PLCL2: variants seen among roughly 807,000 people sequenced by gnomAD.
PLCL2 encodes the protein inactive phospholipase C-like protein 2.
PLCL2 carries 4 observed loss-of-function variants against 79.6 expected under a neutral mutation model. The ratio of observed to expected loss-of-function variants is 0.05; its 90% CI spans 0.02 to 0.11. The LOEUF (loss-of-function observed/expected upper bound fraction) is 0.11. Among genes scored for constraint, PLCL2 ranks in the 10% least tolerant of loss-of-function variants. The pLI is 1.00. For missense variants in PLCL2, 895 were observed against 1,291.0 expected (o/e 0.69, Z 4.70); for synonymous variants, 484 against 457.7 (o/e 1.06, Z -0.73).
chr3:16,974,801 A>G (rs1438419001), intron 1 of PLCL2, among the ~76,000 whole-genome samples: 1 of 152,254 alleles, frequency 6.6e-6, no homozygotes. Flanking sequence ...CAGTAGCACT[A>G]AGATTTAGTA....
At chr3:17,000,722 G>A (rs4685419) in intron 1 of PLCL2, among the ~76,000 whole-genome samples, 27,448 of 151,916 alleles carry the variant, frequency 0.18, 3,025 homozygotes, top group East Asian at 0.54. Flanking sequence ...ATGTCCTCCA[G>A]TTCCATCCAT....
At chr3:17,023,822 T>G (rs951424563) in intron 3 of PLCL2, among the ~76,000 whole-genome samples, 8 of 152,206 alleles carry the variant, frequency 5.3e-5, no homozygotes, top group African/African-American at 1.9e-4. Context: ...GTTCATAAGA[T>G]AGTTGCTCCT....
intron 1 of PLCL2, among the ~76,000 whole-genome samples, chr3:16,904,254 G>T (rs1233822527): frequency 1.4e-5 from 2 of 148,096 alleles, no homozygotes; most frequent in Non-Finnish European, 3.0e-5. Flanking sequence ...TGTCAATTTG[G>T]CCAGAGTCAG....
rs1422927608 is a variant in PLCL2, at chr3:17,011,022, A to C, written c.1676A>C (p.Asp559Ala). ...NVEESYLPSPDVLKGKILIKA... is the reference protein window; with the variant it reads ...NVEESYLPSPAVLKGKILIKA... ...GAGGAATCTTATCTACCATCCCCAG[A>C]TGTCCTGAAAGGGAAAATACTAATT... Residue 559 changes from aspartate (D) to alanine (A), a missense_variant, in exon 2 of 6, where the codon GAT becomes GCT. Coordinates refer to ENST00000615277, the MANE Select transcript of PLCL2 (RefSeq NM_001144382.2). This position sits in a 1 kb window ranked among gnomAD's most constrained non-coding sequence, Gnocchi z 7.9. 6.2e-7 allele frequency: 1 copy of C among 1,614,034 alleles called. No individual in the cohort carries two copies. The highest frequency in any genetic ancestry group is 8.5e-7 in the Non-Finnish European group (1 of 1,179,982).
intron 1 of PLCL2, among the ~76,000 whole-genome samples, chr3:16,961,075 A>G (rs1480397861): frequency 6.6e-6 from 1 of 152,246 alleles, no homozygotes; most frequent in Non-Finnish European, 1.5e-5. Flanking sequence ...TAAATGAAAT[A>G]TATGCTGTTG....
intron 1 of PLCL2, among the ~76,000 whole-genome samples, chr3:16,916,691 ATAAT>A (rs1404341651): frequency 6.6e-6 from 1 of 152,220 alleles, no homozygotes; most frequent in Non-Finnish European, 1.5e-5. Context: ...AAAAGTCCAA[ATAAT>A]TGATGATGAA....
At chr3:17,049,313 A>T (rs1274258081) in intron 4 of PLCL2, among the ~76,000 whole-genome samples, 1 of 152,224 alleles carries the variant, frequency 6.6e-6, no homozygotes, top group African/African-American at 2.4e-5. Context: ...TCAAGGTAAT[A>T]GGCGAAGCAG....
chr3:17,086,743 C>A (rs556313479), intron 5 of PLCL2, among the ~76,000 whole-genome samples: 12 of 152,096 alleles, frequency 7.9e-5, no homozygotes, highest in Non-Finnish European at 1.6e-4. Context: ...AGTAAGGAAA[C>A]AACCTGATTA....
At chr3:16,936,740 G>A (rs1575539028) in intron 1 of PLCL2, among the ~76,000 whole-genome samples, 1 of 151,636 alleles carries the variant, frequency 6.6e-6, no homozygotes, top group East Asian at 1.9e-4. Context: ...TTTTTCAGCA[G>A]GCTAAGCCAT....
At chr3:16,904,240 C>A (rs77540432) in intron 1 of PLCL2, among the ~76,000 whole-genome samples, 2,134 of 149,764 alleles carry the variant, frequency 0.014, 24 homozygotes, top group African/African-American at 0.022. Flanking sequence ...ACTGCCCGCA[C>A]AGTTGTCAAT....
At chr3:17,017,088 C>T (rs998559347) in intron 3 of PLCL2, among the ~76,000 whole-genome samples, 1 of 152,178 alleles carries the variant, frequency 6.6e-6, no homozygotes, top group African/African-American at 2.4e-5. Flanking sequence ...CTTTATGGCA[C>T]TCATAGCAAT....
At position 17,010,033 on chromosome 3, in the gene PLCL2, G is replaced by T. The variant is rs769520050; in HGVS notation, c.687G>T (p.Leu229=). 8 of 1,613,266 alleles carry T rather than the reference G, an allele frequency of 5.0e-6. No individual in the cohort carries two copies. In the South Asian group the frequency reaches 7.7e-5, roughly 15 times the overall value. The part of the protein sequence containing the change: ...SVIYGENYES[L]DLVANSADVA... ...TATATGGAGAGAATTATGAGTCACT[G>T]GATTTGGTTGCCAACTCCGCAGATG... Residue 229 remains leucine, a synonymous_variant, in exon 2 of 6, where the codon CTG becomes CTT. Transcript: ENST00000615277. This position sits in a 1 kb window ranked among gnomAD's most constrained non-coding sequence, Gnocchi z 5.8.
At chr3:16,955,660 G>A (rs1334085335) in intron 1 of PLCL2, among the ~76,000 whole-genome samples, 1 of 152,226 alleles carries the variant, frequency 6.6e-6, no homozygotes, top group Non-Finnish European at 1.5e-5. Context: ...CTACCCATGA[G>A]CATGGAATGT....
At chr3:16,894,021 A>G (rs1357230671) in intron 1 of PLCL2, among the ~76,000 whole-genome samples, 1 of 152,114 alleles carries the variant, frequency 6.6e-6, no homozygotes, top group Non-Finnish European at 1.5e-5. Context: ...GTTGCTTTTG[A>G]CCAATTAGTG....
chr3:17,024,506 T>C (rs1357470318), intron 3 of PLCL2, among the ~76,000 whole-genome samples: 1 of 152,156 alleles, frequency 6.6e-6, no homozygotes, highest in East Asian at 1.9e-4. Context: ...TATCTTAAAT[T>C]GTGTAATTAT....
At chr3:17,046,812 C>T (rs994180592) in intron 4 of PLCL2, among the ~76,000 whole-genome samples, 2 of 152,124 alleles carry the variant, frequency 1.3e-5, no homozygotes, top group Non-Finnish European at 2.9e-5. Context: ...AGGCCAACCA[C>T]CAGCTCAGAT....
At chr3:17,037,678 G>A (rs2124915868) in intron 3 of PLCL2, among the ~76,000 whole-genome samples, 1 of 152,250 alleles carries the variant, frequency 6.6e-6, no homozygotes, top group South Asian at 2.1e-4. Flanking sequence ...GAATTCAGAT[G>A]TTATTACTAA....
At chr3:16,977,988 C>T (rs2063943743) in intron 1 of PLCL2, among the ~76,000 whole-genome samples, 1 of 152,170 alleles carries the variant, frequency 6.6e-6, no homozygotes, top group African/African-American at 2.4e-5. Flanking sequence ...AGGGCTCTGC[C>T]CTCATGACCT....
intron 1 of PLCL2, among the ~76,000 whole-genome samples, chr3:16,971,656 C>T (rs996204305): frequency 3.9e-5 from 6 of 152,132 alleles, no homozygotes; most frequent in African/African-American, 9.7e-5. Context: ...GCCATTTTCA[C>T]GATATTGATT....
Sources: allele counts gnomAD v4.1 joint callset (sites outside exome capture counted in the v4.1 genomes callset), GRCh38; gene constraint gnomAD v4.1.1; non-coding constraint Gnocchi (gnomAD v3.1); transcripts MANE v1.5; gene names NCBI Gene and HGNC (gene_info 2026-07-23, HGNC 2026-07-21).